CMTM8: variants seen among roughly 807,000 people sequenced by gnomAD.
CMTM8 encodes the protein CKLF-like MARVEL transmembrane domain-containing protein 8.
CMTM8 carries 12 observed loss-of-function variants against 18.6 expected under a neutral mutation model. The observed-to-expected ratio is 0.65, with a 90% CI of 0.41 to 1.05. The LOEUF is 1.05. CMTM8 is among the 50% of genes least tolerant of loss of function. The pLI, the probability that CMTM8 is intolerant of heterozygous loss-of-function variation, is 0.00. For synonymous variants in CMTM8, 87 were observed against 90.6 expected (o/e 0.96, Z 0.23); for missense variants, 217 against 227.2 (o/e 0.95, Z 0.29).
intron 1 of CMTM8, among the ~76,000 whole-genome samples, chr3:32,268,929 T>C (rs1702393029): frequency 2.0e-5 from 3 of 152,182 alleles, no homozygotes; most frequent in Non-Finnish European, 4.4e-5. Flanking sequence ...ATAGGGATCT[T>C]TATTGTGTGT....
intron 1 of CMTM8, among the ~76,000 whole-genome samples, chr3:32,304,950 A>G (rs1236395902): frequency 6.6e-6 from 1 of 152,232 alleles, no homozygotes; most frequent in Non-Finnish European, 1.5e-5. Flanking sequence ...TTTGTATTTA[A>G]TCTTTCCCCA....
At chr3:32,367,380 G>C (rs1697058690) in intron 2 of CMTM8, among the ~76,000 whole-genome samples, 1 of 152,220 alleles carries the variant, frequency 6.6e-6, no homozygotes, top group Non-Finnish European at 1.5e-5. Context: ...GGACAGAGGA[G>C]CTCATTTAAA....
chr3:32,247,622 A>G lies in CMTM8; in HGVS notation c.147+8503A>G, dbSNP rs1042742296. ...ATTACAGGCGTGCACCACCACGCCCAGCTAATTTTTGTATTTTTAGTAGAG... is the reference window on the plus strand; with the variant it reads ...ATTACAGGCGTGCACCACCACGCCCGGCTAATTTTTGTATTTTTAGTAGAG... On this transcript the variant is annotated intron_variant, in intron 1 of 3. Coordinates refer to ENST00000307526, the MANE Select transcript of CMTM8 (RefSeq NM_178868.5). 5.3e-5 allele frequency among the ~76,000 whole-genome samples: 8 copies of G among 152,010 alleles called. No homozygotes were observed. The East Asian group carries it at 5.8e-4, about 11-fold the overall frequency.
intron 1 of CMTM8, among the ~76,000 whole-genome samples, chr3:32,348,768 T>C (rs1343563442): frequency 2.6e-5 from 4 of 152,098 alleles, no homozygotes; most frequent in African/African-American, 9.7e-5. Context: ...CCCAAAGTGC[T>C]GTGATTACAG....
rs372494134 is a variant in CMTM8 at position 32,339,956 on chromosome 3, C to T, written c.148-17417C>T. Reference sequence around the variant, plus strand: ...CCAGCCTGGGCGACAGAGTGAGACTCCATCTCAAAAAATAAATAAATAAAT... The same window carrying T: ...CCAGCCTGGGCGACAGAGTGAGACTTCATCTCAAAAAATAAATAAATAAAT... On this transcript the variant is annotated intron_variant, in intron 1 of 3. Transcript: ENST00000307526. Among the ~76,000 whole-genome samples, 497 of 152,214 alleles carry T rather than the reference C, an allele frequency of 3.3e-3. 1 individual carries two copies. Among genetic ancestry groups the T allele is most frequent in the Middle Eastern group, 0.024 (7 of 294 alleles).
intron 3 of CMTM8, among the ~76,000 whole-genome samples, chr3:32,368,349 GA>G (rs1253621294): frequency 6.6e-6 from 1 of 151,944 alleles, no homozygotes; most frequent in Non-Finnish European, 1.5e-5. Flanking sequence ...TTTTTTAAGT[GA>G]AAATATTTGT....
intron 1 of CMTM8, among the ~76,000 whole-genome samples, chr3:32,270,247 G>C (rs932809317): frequency 6.6e-6 from 1 of 152,132 alleles, no homozygotes; most frequent in East Asian, 1.9e-4. Context: ...GTTCGAACAA[G>C]TAACCATATG....
chr3:32,283,146 A>C (rs1344775883), intron 1 of CMTM8, among the ~76,000 whole-genome samples: 1 of 152,186 alleles, frequency 6.6e-6, no homozygotes, highest in Non-Finnish European at 1.5e-5. Context: ...ATAGTTTTTC[A>C]TACAGGGGGA....
At chr3:32,331,385 G>A (rs377417883) in intron 1 of CMTM8, among the ~76,000 whole-genome samples, 84 of 152,158 alleles carry the variant, frequency 5.5e-4, no homozygotes, top group Non-Finnish European at 9.1e-4. Context: ...AAATGATGAG[G>A]CCGCTCTGGA....
At chr3:32,305,097 T>C (rs540651659) in intron 1 of CMTM8, among the ~76,000 whole-genome samples, 1 of 152,300 alleles carries the variant, frequency 6.6e-6, no homozygotes, top group East Asian at 1.9e-4. Flanking sequence ...CTCAAACATT[T>C]TTGTTTCAAA....
At chr3:32,304,554 A>C (rs984865236) in intron 1 of CMTM8, among the ~76,000 whole-genome samples, 7 of 152,274 alleles carry the variant, frequency 4.6e-5, no homozygotes, top group African/African-American at 1.7e-4. Flanking sequence ...CTATATGAAC[A>C]AAAGAAGCTT....
In CMTM8 at chr3:32,352,420, T is replaced by C. The variant is rs568723753; in HGVS notation, c.148-4953T>C. Among the ~76,000 whole-genome samples the C allele has an allele frequency of 9.2e-5, 14 of 152,300 alleles. No individual in the cohort carries two copies. The East Asian group carries it at 2.3e-3, about 25-fold the overall frequency. On this transcript the variant is annotated intron_variant, in intron 1 of 3. Coordinates refer to ENST00000307526, the MANE Select transcript of CMTM8 (RefSeq NM_178868.5). ...GCATCACCTGAGAACTTGTTAGAAG[T>C]GCAGATTCTCAGGTCCATCCTAGAC... is the stretch of plus-strand genomic sequence containing the variant.
intron 1 of CMTM8, among the ~76,000 whole-genome samples, chr3:32,266,213 CT>C (rs1231206167): frequency 3.3e-5 from 5 of 152,226 alleles, no homozygotes; most frequent in African/African-American, 1.2e-4. Flanking sequence ...CAATAAAATA[CT>C]GGCAAACCGA....
At chr3:32,267,349 G>C (rs1049590872) in intron 1 of CMTM8, among the ~76,000 whole-genome samples, 1 of 152,168 alleles carries the variant, frequency 6.6e-6, no homozygotes, top group East Asian at 1.9e-4. Flanking sequence ...AAGAAATGGG[G>C]AAAGGATTCC....
intron 1 of CMTM8, among the ~76,000 whole-genome samples, chr3:32,270,600 C>T (rs1016500637): frequency 4.6e-5 from 7 of 152,146 alleles, no homozygotes; most frequent in African/African-American, 1.7e-4. Context: ...AATCATCATT[C>T]TCAGTAAACT....
At chr3:32,294,536 T>TA (rs1702841335) in intron 1 of CMTM8, among the ~76,000 whole-genome samples, 1 of 152,186 alleles carries the variant, frequency 6.6e-6, no homozygotes, top group Non-Finnish European at 1.5e-5. Context: ...CCTTACCACT[T>TA]ACTATCTCTG....
At chr3:32,254,989 C>A (rs1352608877) in intron 1 of CMTM8, among the ~76,000 whole-genome samples, 1 of 152,186 alleles carries the variant, frequency 6.6e-6, no homozygotes, top group African/African-American at 2.4e-5. Flanking sequence ...TTGGACATTT[C>A]CTATAAAGGG....
At chr3:32,261,807 G>A (rs1702263287) in intron 1 of CMTM8, among the ~76,000 whole-genome samples, 2 of 152,156 alleles carry the variant, frequency 1.3e-5, no homozygotes, top group Non-Finnish European at 1.5e-5. Context: ...AATGCCATCC[G>A]ATTGCTTGTC....
intron 3 of CMTM8, among the ~76,000 whole-genome samples, chr3:32,368,607 T>G (rs1023797181): frequency 6.6e-6 from 1 of 151,966 alleles, no homozygotes; most frequent in South Asian, 2.1e-4. Flanking sequence ...ACTAGAATCC[T>G]GCACCACCAT....
Sources: allele counts gnomAD v4.1 joint callset (sites outside exome capture counted in the v4.1 genomes callset), GRCh38; gene constraint gnomAD v4.1.1; transcripts MANE v1.5; gene names NCBI Gene and HGNC (gene_info 2026-07-23, HGNC 2026-07-21).